Variants in FOXJ3 observed in about 807,000 individuals in gnomAD.
FOXJ3 encodes the protein forkhead box protein J3.
A neutral mutation model predicts 76.1 loss-of-function variants in FOXJ3; 22 were observed. The observed-to-expected ratio is 0.29, with a 90% CI of 0.21 to 0.41. The LOEUF is 0.41. Ranked by LOEUF, FOXJ3 falls within the 10% of genes least tolerant of loss-of-function variation. The pLI is 1.00. For synonymous variants in FOXJ3, 269 were observed against 261.2 expected (o/e 1.03, Z -0.29); for missense variants, 613 against 762.1 (o/e 0.80, Z 2.30).
intron 1 of FOXJ3, among the ~76,000 whole-genome samples, chr1:42,317,682 T>C (rs1171592936): frequency 6.6e-6 from 1 of 152,020 alleles, no homozygotes; most frequent in Non-Finnish European, 1.5e-5. Context: ...GTAAGTTTTG[T>C]GGAATAGTGA....
chr1:42,189,914 A>C (rs574726042), intron 9 of FOXJ3: 1 of 152,886 alleles, frequency 6.5e-6, no homozygotes, highest in South Asian at 2.1e-4. Context: ...CAATGACTTA[A>C]CGCAGGTGGA....
intron 1 of FOXJ3, among the ~76,000 whole-genome samples, chr1:42,322,733 ATC>A (rs756523969): frequency 1.3e-5 from 2 of 152,120 alleles, no homozygotes; most frequent in Non-Finnish European, 2.9e-5. Flanking sequence ...CTAATAGGAA[ATC>A]TCTCTGAATC....
rs1646245266 is a variant in FOXJ3 at position 42,177,923 on chromosome 1, G to C, written c.*1787C>G. ...GACCAGAGATGCTAAAAAGCAACTA[G>C]TGAGCAGTTATTACTCTTTGACTTG... On this transcript the variant is annotated 3_prime_UTR_variant, in exon 13 of 13. Coordinates refer to ENST00000361346, the MANE Select transcript of FOXJ3 (RefSeq NM_014947.5). The C allele has an allele frequency of 6.6e-6, 1 of 152,536 alleles. No homozygotes were observed. The highest frequency in any genetic ancestry group is 1.5e-5 in the Non-Finnish European group (1 of 68,032). The allele number at this position is 152,536 out of a possible 1,614,324, so 9.4% of individuals were successfully genotyped here. A position where few individuals can be genotyped will look rare whatever the true frequency, so the allele number is the denominator to read the frequency against.
intron 4 of FOXJ3, among the ~76,000 whole-genome samples, chr1:42,231,756 C>T (rs1648141081): frequency 6.6e-6 from 1 of 152,088 alleles, no homozygotes; most frequent in South Asian, 2.1e-4. Context: ...GATCCCGAGC[C>T]CCACAAGTAG....
intron 1 of FOXJ3, among the ~76,000 whole-genome samples, chr1:42,332,116 T>C (rs1009354813): frequency 3.3e-5 from 5 of 152,228 alleles, no homozygotes; most frequent in Non-Finnish European, 7.3e-5. Context: ...GTCAACACCC[T>C]GCCCTTGTAG....
chr1:42,232,067 C>T (rs1055516764), intron 4 of FOXJ3, among the ~76,000 whole-genome samples: 1 of 152,026 alleles, frequency 6.6e-6, no homozygotes, highest in Admixed American at 6.5e-5. Flanking sequence ...TTTGTCCTTG[C>T]GATAGTTTGC....
At chr1:42,201,691 G>C (rs572123543) in intron 6 of FOXJ3, among the ~76,000 whole-genome samples, 5 of 152,180 alleles carry the variant, frequency 3.3e-5, no homozygotes, top group African/African-American at 1.2e-4. Flanking sequence ...TTCTTGTAAA[G>C]TTTTTGTCAG....
chr1:42,265,212 A>AT (rs1651372562), intron 3 of FOXJ3, 23 bp from the exon 4 acceptor site: 1 of 1,328,164 alleles, frequency 7.5e-7, no homozygotes, highest in South Asian at 1.3e-5. Flanking sequence ...AAGAAAAGCC[A>AT]TAAGGTCAAT....
chr1:42,203,909 T>C (rs998583944), intron 6 of FOXJ3, among the ~76,000 whole-genome samples: 4 of 151,662 alleles, frequency 2.6e-5, no homozygotes, highest in East Asian at 1.9e-4. Context: ...GGCAGGAGAA[T>C]TGCTTGAACC....
At chr1:42,197,650 G>A (rs1646677296) in intron 7 of FOXJ3, among the ~76,000 whole-genome samples, 1 of 150,550 alleles carries the variant, frequency 6.6e-6, no homozygotes. Flanking sequence ...GTAAACAGTT[G>A]TTAAACTATA....
At chr1:42,197,351 GA>G (rs963155736) in intron 7 of FOXJ3, among the ~76,000 whole-genome samples, 20 of 151,164 alleles carry the variant, frequency 1.3e-4, no homozygotes, top group Middle Eastern at 3.4e-3. Context: ...AAAAAAGAGA[GA>G]AAAAAAGGGG....
chr1:42,279,715 A>T (rs1652555349), intron 2 of FOXJ3, among the ~76,000 whole-genome samples: 1 of 152,182 alleles, frequency 6.6e-6, no homozygotes, highest in Non-Finnish European at 1.5e-5. Flanking sequence ...CTATTCTGGG[A>T]TCAAAGAAGC....
intron 4 of FOXJ3, among the ~76,000 whole-genome samples, chr1:42,228,754 TG>T (rs1647806046): frequency 1.3e-5 from 2 of 152,074 alleles, no homozygotes; most frequent in African/African-American, 4.8e-5. Context: ...TCAATTATCC[TG>T]CCTCTATACA....
At chr1:42,305,773 G>A (rs1441340520) in intron 2 of FOXJ3, among the ~76,000 whole-genome samples, 1 of 152,142 alleles carries the variant, frequency 6.6e-6, no homozygotes, top group East Asian at 1.9e-4. Context: ...AAAATAAAAG[G>A]AGTGACTAAG....
chr1:42,314,499 C>T (rs1654994612), intron 1 of FOXJ3, among the ~76,000 whole-genome samples: 1 of 152,166 alleles, frequency 6.6e-6, no homozygotes, highest in Admixed American at 6.5e-5. Flanking sequence ...CCACCTGCCT[C>T]GGTTAGGATC....
intron 11 of FOXJ3, among the ~76,000 whole-genome samples, chr1:42,184,831 C>A (rs895856411): frequency 3.3e-5 from 5 of 152,030 alleles, no homozygotes; most frequent in Admixed American, 3.3e-4. Context: ...ATGTGTCTAA[C>A]TGAGGGAAGA....
chr1:42,230,768 G>A lies in FOXJ3; in HGVS notation c.445-2802C>T, dbSNP rs536733013. ...TGCACTACTGATAGAAATGTGTGAC[G>A]GTGTAACCACTGTAGAAAATATGGC... On this transcript the variant is annotated intron_variant, in intron 4 of 12. Transcript: ENST00000361346. Among the ~76,000 whole-genome samples, 108 of 131,658 alleles carry A rather than the reference G, an allele frequency of 8.2e-4. 1 individual carries two copies. The South Asian group carries it at 0.02, about 25-fold the overall frequency. 86.4% of individuals were successfully genotyped at this position (131,658 alleles called of 152,430 possible). A position where few individuals can be genotyped will look rare whatever the true frequency, so the allele number is the denominator to read the frequency against.
chr1:42,199,090 A>T lies in FOXJ3; in HGVS notation c.759+12T>A. The T allele has an allele frequency of 6.2e-7, 1 of 1,608,988 alleles. No individual in the cohort carries two copies. The highest frequency in any genetic ancestry group is 8.5e-7 in the Non-Finnish European group (1 of 1,175,894). On this transcript the variant is annotated intron_variant, in intron 7 of 12. Coordinates refer to ENST00000361346, the MANE Select transcript of FOXJ3 (RefSeq NM_014947.5). ...GAATAACTATTAACATGTTAACTTC[A>T]TCAAGACTTACCGGTGTATAACTAT...
Position 42,311,035 on chromosome 1 carries a change from A to AC in FOXJ3, c.44+14_44+15insG. The AC allele has an allele frequency of 6.4e-7, 1 of 1,557,782 alleles. No homozygotes were observed. The highest frequency in any genetic ancestry group is 2.3e-5 in the East Asian group (1 of 44,374). ...GTTATATGTTCTAATAAAGAAAAAA[A>AC]AAAAGAGCACTCACCTTAATGAAGT... On this transcript the variant is annotated intron_variant, in intron 2 of 12. Coordinates refer to ENST00000361346, the MANE Select transcript of FOXJ3 (RefSeq NM_014947.5).
Sources: gnomAD v4.1 joint callset for allele counts (sites outside exome capture counted in the v4.1 genomes callset) on GRCh38, gnomAD v4.1.1 for gene constraint, MANE v1.5 for transcripts, NCBI Gene and HGNC (gene_info 2026-07-23, HGNC 2026-07-21) for gene names.